STAG1: variants seen among roughly 807,000 people sequenced by gnomAD.
The protein encoded by STAG1 is STAG1 cohesin complex component, also known as cohesin subunit SA-1.
A neutral mutation model predicts 170.9 loss-of-function variants in STAG1; 26 were observed. The ratio of observed to expected loss-of-function variants is 0.15; its 90% CI spans 0.11 to 0.21. The LOEUF is 0.21. STAG1 is among the 10% of genes least tolerant of loss of function. The pLI is 1.00. For synonymous variants in STAG1, 514 were observed against 497.7 expected, an observed-to-expected ratio of 1.03 and a Z score of -0.44; for missense variants, 964 against 1,509.5, an observed-to-expected ratio of 0.64 and a Z score of 5.99.
chr3:136,440,985 T>C (rs1171756689), intron 15 of STAG1, among the ~76,000 whole-genome samples: 12 of 151,268 alleles, frequency 7.9e-5, no homozygotes, highest in Admixed American at 5.9e-4. Flanking sequence ...CAGTTTCACC[T>C]AGTGAGCAGA....
intron 1 of STAG1, among the ~76,000 whole-genome samples, chr3:136,723,574 C>CT (rs1933446543): frequency 1.3e-5 from 2 of 151,728 alleles, no homozygotes; most frequent in South Asian, 4.2e-4. Flanking sequence ...GGTCAGCCCC[C>CT]GCCAGGCCAG....
At chr3:136,717,621 G>C (rs1426124556) in intron 1 of STAG1, among the ~76,000 whole-genome samples, 1 of 152,138 alleles carries the variant, frequency 6.6e-6, no homozygotes, top group African/African-American at 2.4e-5. Context: ...CGGAGATCGT[G>C]CCATTGCACT....
At chr3:136,579,799 A>T (rs747133077) in intron 4 of STAG1, among the ~76,000 whole-genome samples, 12 of 152,124 alleles carry the variant, frequency 7.9e-5, no homozygotes, top group Non-Finnish European at 1.6e-4. Context: ...CATCATAAAC[A>T]ATTAGTACAA....
chr3:136,751,837 C>A (rs1345277464), intron 1 of STAG1, among the ~76,000 whole-genome samples: 2 of 150,516 alleles, frequency 1.3e-5, no homozygotes, highest in East Asian at 2.0e-4. Flanking sequence ...GGCTTGGCGG[C>A]GGGCCCGAGC....
chr3:136,415,939 A>T (rs2087758887), intron 21 of STAG1, among the ~76,000 whole-genome samples: 1 of 152,206 alleles, frequency 6.6e-6, no homozygotes, highest in South Asian at 2.1e-4. Flanking sequence ...GTCATATTTG[A>T]GTCATGCACT....
chr3:136,452,978 T>G (rs2088989185), intron 13 of STAG1, among the ~76,000 whole-genome samples: 2 of 152,018 alleles, frequency 1.3e-5, no homozygotes, highest in African/African-American at 4.8e-5. Flanking sequence ...TTAGTAGAGA[T>G]GAGGTTTCAC....
At chr3:136,393,607 T>A (rs1358938651) in intron 22 of STAG1, among the ~76,000 whole-genome samples, 3 of 150,804 alleles carry the variant, frequency 2.0e-5, no homozygotes, top group Non-Finnish European at 4.4e-5. Flanking sequence ...TTTTTTTTTT[T>A]TTTTGAGACA....
At chr3:136,563,474 ATCAT>A (rs2107754529) in intron 5 of STAG1, among the ~76,000 whole-genome samples, 1 of 151,994 alleles carries the variant, frequency 6.6e-6, no homozygotes, top group South Asian at 2.1e-4. Flanking sequence ...CAAATTCAGT[ATCAT>A]TCCCTCACCT....
chr3:136,344,427 CAATTA>C (rs1936130897), intron 29 of STAG1, among the ~76,000 whole-genome samples: 1 of 152,068 alleles, frequency 6.6e-6, no homozygotes, highest in Non-Finnish European at 1.5e-5. Flanking sequence ...CAGGCAGTAG[CAATTA>C]AAGTCTGACT....
chr3:136,633,307 A>T (rs2107840206), intron 1 of STAG1, among the ~76,000 whole-genome samples: 1 of 152,274 alleles, frequency 6.6e-6, no homozygotes, highest in Non-Finnish European at 1.5e-5. Context: ...ATCAAAAAAG[A>T]ACTATATAAC....
intron 22 of STAG1, among the ~76,000 whole-genome samples, 175 bp from the exon 23 acceptor site, chr3:136,377,927 G>A (rs550747984): frequency 1.1e-4 from 16 of 152,178 alleles, no homozygotes; most frequent in Non-Finnish European, 1.9e-4. Context: ...TGTCCTAATA[G>A]AAGGGGTAGT....
At chr3:136,589,943 T>C (rs1938073066) in intron 4 of STAG1, among the ~76,000 whole-genome samples, 1 of 149,998 alleles carries the variant, frequency 6.7e-6, no homozygotes, top group Non-Finnish European at 1.5e-5. Flanking sequence ...AAAATAAAAA[T>C]AAAAATACAT....
intron 7 of STAG1, among the ~76,000 whole-genome samples, chr3:136,512,530 C>A (rs1038624711): frequency 6.6e-6 from 1 of 152,122 alleles, no homozygotes; most frequent in African/African-American, 2.4e-5. Flanking sequence ...TTTATCTTCT[C>A]AAGAAAATAA....
chr3:136,729,490 C>A (rs1248276362), intron 1 of STAG1, among the ~76,000 whole-genome samples: 2 of 151,174 alleles, frequency 1.3e-5, no homozygotes, highest in Non-Finnish European at 2.9e-5. Flanking sequence ...TAAATAAGAT[C>A]TAGAGGTTAG....
chr3:136,681,299 C>A (rs1180423410), intron 1 of STAG1, among the ~76,000 whole-genome samples: 2 of 152,150 alleles, frequency 1.3e-5, no homozygotes, highest in Non-Finnish European at 2.9e-5. Context: ...AAGCAATTTA[C>A]CTATGCCCTA....
At chr3:136,634,808 A>C (rs1239259696) in intron 1 of STAG1, among the ~76,000 whole-genome samples, 1 of 152,200 alleles carries the variant, frequency 6.6e-6, no homozygotes, top group African/African-American at 2.4e-5. Context: ...AAATTGACAT[A>C]TCTTTAAATA....
chr3:136,606,326 T>A (rs1938935969), intron 3 of STAG1, among the ~76,000 whole-genome samples: 1 of 151,882 alleles, frequency 6.6e-6, no homozygotes, highest in Non-Finnish European at 1.5e-5. Flanking sequence ...GTAGCTATGA[T>A]CATAGGCGCC....
intron 1 of STAG1, among the ~76,000 whole-genome samples, chr3:136,650,193 G>C (rs1234355565): frequency 1.3e-5 from 2 of 149,482 alleles, no homozygotes; most frequent in Non-Finnish European, 3.0e-5. Flanking sequence ...CTATGGTTGC[G>C]CAACTGTACT....
At chr3:136,589,704 GTCCATCAC>G (rs1246721715) in intron 4 of STAG1, among the ~76,000 whole-genome samples, 3 of 150,900 alleles carry the variant, frequency 2.0e-5, no homozygotes, top group Admixed American at 1.3e-4. Flanking sequence ...GCCAAGGTGG[GTCCATCAC>G]TTGAGGTCAG....
Sources: allele counts gnomAD v4.1 joint callset (sites outside exome capture counted in the v4.1 genomes callset), GRCh38; gene constraint gnomAD v4.1.1; transcripts MANE v1.5; gene names NCBI Gene and HGNC (gene_info 2026-07-23, HGNC 2026-07-21).